Variants in RAPGEF3 observed in about 807,000 individuals in gnomAD.
RAPGEF3 encodes the protein Rap guanine nucleotide exchange factor 3.
A neutral mutation model predicts 129.8 loss-of-function variants in RAPGEF3; 103 were observed. That is an observed-to-expected ratio of 0.79 (90% CI 0.68 to 0.93). RAPGEF3 has a LOEUF of 0.93. Ranked by LOEUF, RAPGEF3 falls within the 40% of genes least tolerant of loss-of-function variation. RAPGEF3 has a pLI of 0.00. For synonymous variants in RAPGEF3, 436 were observed against 482.6 expected (o/e 0.90, Z 1.26); for missense variants, 1,117 against 1,207.4 (o/e 0.93, Z 1.11).
In RAPGEF3 at chr12:47,744,008, C is replaced by T. The variant is rs1306693926; in HGVS notation, c.1657G>A (p.Ala553Thr). The change falls in exon 17 of 28, where the codon GCC (alanine) becomes ACC (threonine). Residue 553 changes from alanine to threonine, a missense_variant. Transcript: ENST00000449771. ...QDEPLPGSSC[A>T]IQVGDKVPYD... ...CAACCTTTATCCCCAACTTGGATGGCACAGCTGCTGCCAGGAAGGGGCTCG... is the reference window on the plus strand; with the variant it reads ...CAACCTTTATCCCCAACTTGGATGGTACAGCTGCTGCCAGGAAGGGGCTCG... The T allele has an allele frequency of 6.2e-7, 1 of 1,611,280 alleles. No homozygotes were observed. The highest frequency in any genetic ancestry group is 2.2e-5 in the East Asian group (1 of 44,874).
At chr12:47,750,198 C>G in intron 7 of RAPGEF3, 143 bp downstream of exon 7, 4 of 1,087,092 alleles carry the variant, frequency 3.7e-6, no homozygotes, top group Non-Finnish European at 5.6e-6. Flanking sequence ...AGGGCAGCGC[C>G]GGGGGCAAGA....
rs12424297 is a variant in RAPGEF3 at position 47,748,560 on chromosome 12, T to C, written c.1155-18A>G. The C allele has an allele frequency of 0.13, 213,417 of 1,598,676 alleles. 15,309 individuals carry two copies. Among genetic ancestry groups the C allele is most frequent in the Middle Eastern group, 0.16 (946 of 6,018 alleles). ...CTGTATACCTAGCAGAAATGGCCAATCTTTGGCACTGGTGCCACTACTCCC... is the reference window on the plus strand; with the variant it reads ...CTGTATACCTAGCAGAAATGGCCAACCTTTGGCACTGGTGCCACTACTCCC... On this transcript the variant is annotated intron_variant, in intron 11 of 27. Coordinates refer to ENST00000449771, the MANE Select transcript of RAPGEF3 (RefSeq NM_001098531.4).
At position 47,758,602 on chromosome 12, in the gene RAPGEF3, T is replaced by TG. The variant is rs774314347; in HGVS notation, c.-47dup. ...AGCCGTGCAGGCTCTAGCAAAAGGC[T>TG]GGGGGGTCCCCAGCGACCCCCATCA... On this transcript the variant is annotated 5_prime_UTR_variant, in exon 1 of 28. An upstream open reading frame in the 5' UTR loses its in-frame stop. Transcript: ENST00000449771. 30 of 1,612,392 alleles carry TG rather than the reference T, an allele frequency of 1.9e-5. No individual in the cohort carries two copies. The highest frequency in any genetic ancestry group is 2.5e-5 in the Non-Finnish European group (29 of 1,179,218).
chr12:47,752,030 ACCTCC>A, intron 2 of RAPGEF3, 61 bp from the exon 3 acceptor site: 1 of 1,555,402 alleles, frequency 6.4e-7, no homozygotes, highest in Non-Finnish European at 8.8e-7. Context: ...GCTCTTGGAT[ACCTCC>A]CCTCCCCCAT....
Position 47,758,012 on chromosome 12 carries a change from C to T in RAPGEF3, c.73G>A (p.Ala25Thr). The T allele has an allele frequency of 6.3e-7, 1 of 1,575,352 alleles. No individual in the cohort carries two copies. Among genetic ancestry groups the T allele is most frequent in the Non-Finnish European group, 8.6e-7 (1 of 1,160,304 alleles). The part of the protein sequence containing the change: ...LAVEDSPALG[A>T]PRVGALPDVV... ...TCAGGGAGGGCTCCCACCCGCGGTG[C>T]TCCCAGAGCTGGGCTATCCTCCACA... Residue 25 changes from alanine (A) to threonine (T), a missense_variant, in exon 2 of 28, where the codon GCA becomes ACA. Ala to Thr is a moderately conservative substitution (Grantham distance 58, BLOSUM62 0). Coordinates refer to ENST00000449771, the MANE Select transcript of RAPGEF3 (RefSeq NM_001098531.4).
chr12:47,749,923 G>T lies in RAPGEF3; in HGVS notation c.817+7C>A. 6.2e-7 allele frequency: 1 copy of T among 1,614,196 alleles called. No homozygotes were observed. Among genetic ancestry groups the T allele is most frequent in the Non-Finnish European group, 8.5e-7 (1 of 1,180,044 alleles). On this transcript the variant is annotated splice_region_variant and intron_variant, in intron 8 of 27. Coordinates refer to ENST00000449771, the MANE Select transcript of RAPGEF3 (RefSeq NM_001098531.4). This position sits in a 1 kb window ranked among gnomAD's most constrained non-coding sequence, Gnocchi z 4.5. ...GTGCCTGGCTTCTTATGCCCTGCTG[G>T]ACTTACACACGGTCCCTGCCTTGCT... is the stretch of plus-strand genomic sequence containing the variant.
intron 19 of RAPGEF3, 176 bp from the exon 20 acceptor site, chr12:47,741,216 G>A: frequency 1.2e-6 from 1 of 853,430 alleles, no homozygotes; most frequent in Non-Finnish European, 1.8e-6. Flanking sequence ...GGGCTCCCCA[G>A]TGCTGAGACC....
chr12:47,746,457 G>T, intron 16 of RAPGEF3: 1 of 559,430 alleles, frequency 1.8e-6, no homozygotes. Flanking sequence ...AGAATGGCCT[G>T]GGGCCCCCTC....
rs1438753388 is a variant in RAPGEF3, at chr12:47,749,559, G to T, written c.895-23C>A. Reference sequence around the variant, plus strand: ...CCCCTGCAGCCAGGCCTCAGTCTCAGCCCGCCCCTGCCGCCCCTGCCGCCC... The same window carrying T: ...CCCCTGCAGCCAGGCCTCAGTCTCATCCCGCCCCTGCCGCCCCTGCCGCCC... On this transcript the variant is annotated intron_variant, in intron 9 of 27. Coordinates refer to ENST00000449771, the MANE Select transcript of RAPGEF3 (RefSeq NM_001098531.4). The surrounding 1 kb of genome is among the most constrained non-coding windows in gnomAD (Gnocchi z 4.5). 2.1e-5 allele frequency: 33 copies of T among 1,590,810 alleles called. No homozygotes were observed. The highest frequency in any genetic ancestry group is 2.6e-5 in the Non-Finnish European group (30 of 1,172,810).
At chr12:47,744,848 G>A (rs1941341224) in intron 16 of RAPGEF3, 1 of 152,344 alleles carries the variant, frequency 6.6e-6, no homozygotes, top group African/African-American at 2.4e-5. Context: ...CCCCTGCAGA[G>A]TTCCTTACTG....
Position 47,746,879 on chromosome 12 carries a change from T to C in RAPGEF3, c.1577A>G (p.Asn526Ser). 1 of 1,600,740 alleles carries C rather than the reference T, an allele frequency of 6.2e-7. No individual in the cohort carries two copies. The highest frequency in any genetic ancestry group is 1.1e-5 in the South Asian group (1 of 88,560). ...RCHRLENGCG[N>S]ASPQMKARNL... The stretch of plus-strand genomic sequence containing the variant: ...AGACACCTTCATCTGAGGAGATGCA[T>C]TCCCACAGCCATTCTCCAACCTGCA... The change falls in exon 16 of 28, where the codon AAT (asparagine) becomes AGT (serine). Residue 526 changes from asparagine (N) to serine (S), a missense_variant. Physicochemically the swap from Asn to Ser is conservative, Grantham distance 46 (BLOSUM62 1). Around this residue, in one of 3 missense-constraint regions of RAPGEF3, gnomAD observed 643 missense variants for 673.4 expected, o/e 0.95. Coordinates refer to ENST00000449771, the MANE Select transcript of RAPGEF3 (RefSeq NM_001098531.4).
Position 47,751,769 on chromosome 12 carries a change from A to G in RAPGEF3, c.334T>C (p.Cys112Arg). 2 of 1,613,948 alleles carry G rather than the reference A, an allele frequency of 1.2e-6. No individual in the cohort carries two copies. The highest frequency in any genetic ancestry group is 1.7e-6 in the Non-Finnish European group (2 of 1,180,030). Reference sequence around the variant, plus strand: ...TTCCGGTCTCGGATGAGGTTTGGGCAGGTGGCCAGCAGATGCCGATGCAGC... The same window carrying G: ...TTCCGGTCTCGGATGAGGTTTGGGCGGGTGGCCAGCAGATGCCGATGCAGC... ...RQLHRHLLATCPNLIRDRKYH... is the reference protein window; with the variant it reads ...RQLHRHLLATRPNLIRDRKYH... Residue 112 changes from cysteine to arginine, a missense_variant, in exon 4 of 28, where the codon TGC becomes CGC. Physicochemically the swap from Cys to Arg is radical, Grantham distance 180 (BLOSUM62 -3). Coordinates refer to ENST00000449771, the MANE Select transcript of RAPGEF3 (RefSeq NM_001098531.4).
At chr12:47,754,350 GT>G (rs926843678) in intron 2 of RAPGEF3, among the ~76,000 whole-genome samples, 44 of 152,266 alleles carry the variant, frequency 2.9e-4, no homozygotes, top group African/African-American at 9.4e-4. Flanking sequence ...AGATAGACAG[GT>G]TTGTTATTCT....
At position 47,739,129 on chromosome 12, in the gene RAPGEF3, G is replaced by A; in HGVS notation, c.2461+14C>T. On this transcript the variant is annotated intron_variant, in intron 24 of 27. Coordinates refer to ENST00000449771, the MANE Select transcript of RAPGEF3 (RefSeq NM_001098531.4). ...AGGGGGGAATGGAGGGATGGAGGCAGGAAGCCCTGTTACCTTTGAGAAGAA... is the reference window on the plus strand; with the variant it reads ...AGGGGGGAATGGAGGGATGGAGGCAAGAAGCCCTGTTACCTTTGAGAAGAA... 1.3e-6 allele frequency: 2 copies of A among 1,569,372 alleles called. No individual in the cohort carries two copies. The highest frequency in any genetic ancestry group is 1.8e-5 in the Admixed American group (1 of 55,658).
In RAPGEF3 at chr12:47,750,380, C is replaced by G. The variant is rs1349932505; in HGVS notation, c.717G>C (p.Glu239Asp). 1 of 1,614,056 alleles carries G rather than the reference C, an allele frequency of 6.2e-7. No homozygotes were observed. Among genetic ancestry groups the G allele is most frequent in the Non-Finnish European group, 8.5e-7 (1 of 1,179,926 alleles). ...GGGCCACAGCCTTGATGTGCAGCAG[C>G]TCCTCAAAGATGAGGTCCAGCTCTT... is the stretch of plus-strand genomic sequence containing the variant. ...TDEELDLIFE[E>D]LLHIKAVAHL... The change falls in exon 7 of 28, where the codon GAG becomes GAC. Residue 239 changes from glutamate to aspartate, a missense_variant. Glu to Asp is a conservative substitution (Grantham distance 45, BLOSUM62 2). This residue lies in a region of RAPGEF3 where 367 missense variants were observed against 373.4 expected (regional missense o/e 0.98). Transcript: ENST00000449771.
intron 1 of RAPGEF3, 34 bp from the exon 2 acceptor site, chr12:47,758,112 G>T: frequency 6.5e-7 from 1 of 1,541,416 alleles, no homozygotes; most frequent in South Asian, 1.2e-5. Context: ...ACAGCCATGG[G>T]ACACGACTGG....
chr12:47,748,145 G>A lies in RAPGEF3; in HGVS notation c.1251C>T (p.Phe417=), dbSNP rs576540094. ...DSSAHDPTET[F]LSDFLLTHRV... is the part of the protein sequence containing the mutation. ...TGTGGGTCAGGAGGAAGTCGCTGAG[G>A]AATGTCTCTGTATGACAGGGTGAGG... The change falls in exon 13 of 28, where the codon TTC becomes TTT. Residue 417 remains phenylalanine, a synonymous_variant. Transcript: ENST00000449771. 83 of 1,579,226 alleles carry A rather than the reference G, an allele frequency of 5.3e-5. No homozygotes were observed. The East Asian group carries it at 1.3e-3, about 25-fold the overall frequency.
rs772984385 is a variant in RAPGEF3 at position 47,758,009 on chromosome 12, G to A, written c.76C>T (p.Pro26Ser). Residue 26 changes from proline to serine, a missense_variant, in exon 2 of 28, where the codon CCG (proline) becomes TCG (serine). Around this residue, in one of 3 missense-constraint regions of RAPGEF3, gnomAD observed 367 missense variants for 373.4 expected, o/e 0.98. Transcript: ENST00000449771. ...AVEDSPALGA[P>S]RVGALPDVVP... The stretch of plus-strand genomic sequence containing the variant: ...ACGTCAGGGAGGGCTCCCACCCGCG[G>A]TGCTCCCAGAGCTGGGCTATCCTCC... 4.4e-6 allele frequency: 7 copies of A among 1,574,938 alleles called. No homozygotes were observed. The highest frequency in any genetic ancestry group is 2.3e-5 in the East Asian group (1 of 42,874).
At chr12:47,748,420 G>A (rs369550723) in intron 12 of RAPGEF3, 34 bp downstream of exon 12, 128 of 1,583,172 alleles carry the variant, frequency 8.1e-5, no homozygotes, top group Non-Finnish European at 9.4e-5. Context: ...CACCCAATGA[G>A]TCAGAAAGCA....
Sources: gnomAD v4.1 joint callset for allele counts (sites outside exome capture counted in the v4.1 genomes callset) on GRCh38, gnomAD v4.1.1 for gene constraint, gnomAD v4.1.1 regional missense constraint, Gnocchi (gnomAD v3.1) non-coding constraint, MANE v1.5 for transcripts, NCBI Gene and HGNC (gene_info 2026-07-23, HGNC 2026-07-21) for gene names.